The following RHEB variants were observed in gnomAD, a reference collection of about 807,000 sequenced individuals.
The protein encoded by RHEB is GTP-binding protein Rheb.
Under a neutral mutation model 28.8 loss-of-function variants are expected in RHEB, and 2 were observed. That is an observed-to-expected ratio of 0.07 (90% CI 0.03 to 0.22). RHEB has a LOEUF of 0.22. Ranked by LOEUF, RHEB falls within the 10% of genes least tolerant of loss-of-function variation. The pLI is 1.00. For synonymous variants in RHEB, 69 were observed against 77.3 expected, an observed-to-expected ratio of 0.89 and a Z score of 0.56; for missense variants, 76 against 219.9, an observed-to-expected ratio of 0.35 and a Z score of 4.14.
chr7:151,500,308 T>G (rs1802751591), intron 1 of RHEB, among the ~76,000 whole-genome samples: 1 of 152,034 alleles, frequency 6.6e-6, no homozygotes, highest in Non-Finnish European at 1.5e-5. Context: ...AGGAAAAAAT[T>G]AATCTCTAAG....
At chr7:151,479,754 CAAAT>C (rs1457298095) in intron 3 of RHEB, among the ~76,000 whole-genome samples, 1 of 151,490 alleles carries the variant, frequency 6.6e-6, no homozygotes, top group African/African-American at 2.4e-5. Context: ...GCAAACCCCT[CAAAT>C]AAAAACCATA....
At position 151,470,658 on chromosome 7, in the gene RHEB, G is replaced by C. The variant is rs1802145159; in HGVS notation, c.381-6C>G. The C allele has an allele frequency of 6.3e-7, 1 of 1,593,436 alleles. No individual in the cohort carries two copies. The highest frequency in any genetic ancestry group is 1.1e-5 in the South Asian group (1 of 88,310). On this transcript the variant is annotated splice_polypyrimidine_tract_variant and splice_region_variant and intron_variant, in intron 6 of 7. Coordinates refer to ENST00000262187, the MANE Select transcript of RHEB (RefSeq NM_005614.4). ...CTTCTTCATAACTGATCACCCTAAA[G>C]AAAAAATAAAATTCTAGTTAAAGTA... is the stretch of plus-strand genomic sequence containing the variant.
intron 2 of RHEB, among the ~76,000 whole-genome samples, chr7:151,485,473 A>G (rs1802454900): frequency 6.6e-6 from 1 of 152,228 alleles, no homozygotes; most frequent in African/African-American, 2.4e-5. Context: ...AAGAGGAAAG[A>G]ACTACTAACA....
Position 151,472,941 on chromosome 7 carries a change from G to GT in RHEB, c.276-1337dup, listed in dbSNP as rs1160461391. Among the ~76,000 whole-genome samples the GT allele has an allele frequency of 5.9e-5, 9 of 152,218 alleles. No homozygotes were observed. Among genetic ancestry groups the GT allele is most frequent in the African/African-American group, 2.2e-4 (9 of 41,444 alleles). On this transcript the variant is annotated intron_variant, in intron 4 of 7. Coordinates refer to ENST00000262187, the MANE Select transcript of RHEB (RefSeq NM_005614.4). This position sits in a 1 kb window ranked among gnomAD's most constrained non-coding sequence, Gnocchi z 5.2. ...AGAACCACGGTTTCCTCCGCATGCT[G>GT]TATTTGCCTATCTTTAAAAGTGTCG...
rs187139890 is a variant in RHEB, at chr7:151,513,875, T to G, written c.52+5585A>C. On this transcript the variant is annotated intron_variant, in intron 1 of 7. Transcript: ENST00000262187. The stretch of plus-strand genomic sequence containing the variant: ...GTGAAACACCTTATCAAAATTGCAG[T>G]TGCTTTTTTGGCAGAAACTGGCAAT... 2.6e-3 allele frequency among the ~76,000 whole-genome samples: 389 copies of G among 152,288 alleles called. 1 individual carries two copies. The highest frequency in any genetic ancestry group is 8.8e-3 in the African/African-American group (366 of 41,560).
At position 151,470,558 on chromosome 7, in the gene RHEB, T is replaced by C. The variant is rs754566342; in HGVS notation, c.462+13A>G. The C allele has an allele frequency of 6.9e-6, 11 of 1,587,292 alleles. No individual in the cohort carries two copies. The highest frequency in any genetic ancestry group is 9.5e-6 in the Non-Finnish European group (11 of 1,156,200). On this transcript the variant is annotated intron_variant, in intron 7 of 7. Transcript: ENST00000262187. The stretch of plus-strand genomic sequence containing the variant: ...AGAACGCAATGCAAAATGAGGTTTA[T>C]AGAATCTGTTACCTGATTTTCTTTA...
chr7:151,515,234 G>A (rs565426571), intron 1 of RHEB, among the ~76,000 whole-genome samples: 8 of 152,066 alleles, frequency 5.3e-5, no homozygotes, highest in Non-Finnish European at 1.0e-4. Flanking sequence ...AGTAAAAGAC[G>A]CCAGCCCCAG....
intron 7 of RHEB, among the ~76,000 whole-genome samples, chr7:151,467,822 C>A (rs1429963762): frequency 2.6e-5 from 4 of 152,204 alleles, no homozygotes; most frequent in South Asian, 2.1e-4. Context: ...CAGTCCTTCA[C>A]CACAGACAGG....
intron 1 of RHEB, among the ~76,000 whole-genome samples, chr7:151,493,752 T>C (rs1254450380): frequency 2.0e-5 from 3 of 152,216 alleles, no homozygotes; most frequent in South Asian, 4.1e-4. Flanking sequence ...TTAAAATGAA[T>C]TGTGTTGAAA....
chr7:151,477,376 T>C lies in RHEB; in HGVS notation c.232A>G (p.Ile78Val), dbSNP rs1802289477. The change falls in exon 4 of 8, where the codon ATT (isoleucine) becomes GTT (valine). Residue 78 changes from isoleucine (I) to valine (V), a missense_variant. Transcript: ENST00000262187. ...GAATACACAAGAATATAGCCATTAA[T>C]ATCTATGGAGTATGTCTGAGGAAAG... The part of the protein sequence containing the change: ...SIFPQTYSID[I>V]NGYILVYSVT... The C allele has an allele frequency of 1.3e-6, 2 of 1,586,624 alleles. No individual in the cohort carries two copies.
At chr7:151,504,683 CAT>C (rs1802835465) in intron 1 of RHEB, among the ~76,000 whole-genome samples, 2 of 152,104 alleles carry the variant, frequency 1.3e-5, no homozygotes. Flanking sequence ...CAAAAAGCTG[CAT>C]AATATATGGT....
At position 151,466,378 on chromosome 7, in the gene RHEB, GCTC is replaced by G. The variant is rs1584842763; in HGVS notation, c.*738_*740del. 6.6e-6 allele frequency: 1 copy of G among 152,344 alleles called. No homozygotes were observed. The highest frequency in any genetic ancestry group is 2.4e-5 in the African/African-American group (1 of 41,470). The allele number at this position is 152,344 out of a possible 1,614,324, so 9.4% of individuals were successfully genotyped here. ...CAAGGGCGAACAATGCCTCTCAGCA[GCTC>G]CTCCTCCTTGACCAGGCTCCCGACC... On this transcript the variant is annotated 3_prime_UTR_variant, in exon 8 of 8. Transcript: ENST00000262187.
At chr7:151,512,122 G>A (rs1803002878) in intron 1 of RHEB, among the ~76,000 whole-genome samples, 1 of 152,214 alleles carries the variant, frequency 6.6e-6, no homozygotes, top group Non-Finnish European at 1.5e-5. Flanking sequence ...GTTCCTTCAA[G>A]TATGATCCCT....
chr7:151,486,914 T>C (rs557919163), intron 2 of RHEB, among the ~76,000 whole-genome samples: 1 of 152,306 alleles, frequency 6.6e-6, no homozygotes, highest in African/African-American at 2.4e-5. Context: ...CAGGAAAGAC[T>C]AGGGGAAGAA....
intron 4 of RHEB, among the ~76,000 whole-genome samples, chr7:151,474,824 A>G (rs1047754411): frequency 1.3e-5 from 2 of 152,238 alleles, no homozygotes; most frequent in Non-Finnish European, 2.9e-5. Flanking sequence ...AATAAAAAGG[A>G]TTAGACAATT....
intron 3 of RHEB, among the ~76,000 whole-genome samples, chr7:151,479,407 G>T (rs148069207): frequency 7.3e-4 from 111 of 152,244 alleles, no homozygotes; most frequent in East Asian, 3.3e-3. Context: ...ATAAGGCCGG[G>T]CACAATGGCT....
rs568430118 is a variant in RHEB, at chr7:151,519,709, C to G, written c.-198G>C. 4 of 372,904 alleles carry G rather than the reference C, an allele frequency of 1.1e-5. No individual in the cohort carries two copies. Among genetic ancestry groups the G allele is most frequent in the South Asian group, 1.1e-4 (1 of 8,800 alleles). The allele number at this position is 372,904 out of a possible 1,614,324, so 23.1% of individuals were successfully genotyped here. A position where few individuals can be genotyped will look rare whatever the true frequency, so the allele number is the denominator to read the frequency against. On this transcript the variant is annotated 5_prime_UTR_variant, in exon 1 of 8. Coordinates refer to ENST00000262187, the MANE Select transcript of RHEB (RefSeq NM_005614.4). ...ACCGCGCGGCGGCGCCCCTCCCCCC[C>G]ACAACACGCCCACGTGACCGGCCGG...
intron 1 of RHEB, among the ~76,000 whole-genome samples, chr7:151,512,068 GATTTC>G (rs1282906425): frequency 6.6e-6 from 1 of 152,208 alleles, no homozygotes; most frequent in African/African-American, 2.4e-5. Flanking sequence ...TCAATGTTAA[GATTTC>G]ATTTGGTACT....
chr7:151,494,415 C>T (rs982726097), intron 1 of RHEB, among the ~76,000 whole-genome samples: 1 of 152,196 alleles, frequency 6.6e-6, no homozygotes, highest in Non-Finnish European at 1.5e-5. Flanking sequence ...AAGTTACACA[C>T]ATTAAACAAG....
Sources: allele counts gnomAD v4.1 joint callset (sites outside exome capture counted in the v4.1 genomes callset), GRCh38; gene constraint gnomAD v4.1.1; non-coding constraint Gnocchi (gnomAD v3.1); transcripts MANE v1.5; gene names NCBI Gene and HGNC (gene_info 2026-07-23, HGNC 2026-07-21).